The following WDFY4 variants were observed in gnomAD, a reference collection of about 807,000 sequenced individuals.
The protein encoded by WDFY4 is WD repeat- and FYVE domain-containing protein 4.
WDFY4 carries 169 observed loss-of-function variants against 351.9 expected under a neutral mutation model. The ratio of observed to expected loss-of-function variants is 0.48; its 90% CI spans 0.42 to 0.55. The LOEUF is 0.55. Among genes scored for constraint, WDFY4 ranks in the 20% least tolerant of loss-of-function variants. The pLI is 0.00. For synonymous variants in WDFY4, 1,622 were observed against 1,574.6 expected, an observed-to-expected ratio of 1.03 and a Z score of -0.71; for missense variants, 3,803 against 3,935.6, an observed-to-expected ratio of 0.97 and a Z score of 0.90.
Position 48,798,906 on chromosome 10 carries a change from T to C in WDFY4, c.4410+2456T>C, listed in dbSNP as rs531915435. Among the ~76,000 whole-genome samples, 163 of 152,184 alleles carry C rather than the reference T, an allele frequency of 1.1e-3. 1 individual carries two copies. The South Asian group carries it at 0.015, about 14-fold the overall frequency. ...CTGGATCTGAAGCTGGAAAAGAGGATTGTGGAGGAAGCCAGCATGGCCTGG... is the reference window on the plus strand; with the variant it reads ...CTGGATCTGAAGCTGGAAAAGAGGACTGTGGAGGAAGCCAGCATGGCCTGG... On this transcript the variant is annotated intron_variant, in intron 24 of 61. Transcript: ENST00000325239.
At chr10:48,959,685 A>T (rs1841770295) in intron 52 of WDFY4, 37 bp from the exon 53 acceptor site, 1 of 1,531,950 alleles carries the variant, frequency 6.5e-7, no homozygotes, top group Non-Finnish European at 8.9e-7. Flanking sequence ...GCCTGATTTG[A>T]GTTACCCAAA....
intron 47 of WDFY4, chr10:48,914,102 G>A (rs1394556607): frequency 1.2e-6 from 2 of 1,614,100 alleles, no homozygotes. Flanking sequence ...TGCAATTCCT[G>A]GCCACCTTGA....
chr10:48,881,991 GGAGA>G (rs2070269709), intron 43 of WDFY4, among the ~76,000 whole-genome samples: 1 of 152,226 alleles, frequency 6.6e-6, no homozygotes, highest in Non-Finnish European at 1.5e-5. Context: ...CTGAAGGCAA[GGAGA>G]GACTTAGCTT....
intron 31 of WDFY4, 107 bp from the exon 32 acceptor site, chr10:48,817,138 G>A: frequency 1.5e-6 from 2 of 1,301,298 alleles, no homozygotes; most frequent in Non-Finnish European, 2.1e-6. Flanking sequence ...AATGTATCTT[G>A]TTGAAAGTCT....
Position 48,803,366 on chromosome 10 carries a change from T to TG in WDFY4, c.4484+10dup. On this transcript the variant is annotated splice_region_variant and intron_variant, in intron 25 of 61. Transcript: ENST00000325239. ...AAATCCTTCAATCACCAAGGTAGGCTGGGTCTTGGCAGCCTGGGGGTTAGA... is the reference window on the plus strand; with the variant it reads ...AAATCCTTCAATCACCAAGGTAGGCTGGGGTCTTGGCAGCCTGGGGGTTAGA... The TG allele has an allele frequency of 6.4e-7, 1 of 1,551,882 alleles. No homozygotes were observed. Among genetic ancestry groups the TG allele is most frequent in the Admixed American group, 2.0e-5 (1 of 51,004 alleles).
intron 47 of WDFY4, among the ~76,000 whole-genome samples, chr10:48,936,922 A>C (rs1395609959): frequency 2.2e-5 from 3 of 136,236 alleles, no homozygotes; most frequent in African/African-American, 4.9e-5. Flanking sequence ...TATAAACTTC[A>C]GGTTTTGTTT....
At chr10:48,969,619 T>C (rs563749378) in intron 56 of WDFY4, among the ~76,000 whole-genome samples, 1 of 152,300 alleles carries the variant, frequency 6.6e-6, no homozygotes, top group South Asian at 2.1e-4. Context: ...ATTTGGGGGC[T>C]GGCAGGAGCA....
intron 52 of WDFY4, 25 bp downstream of exon 52, chr10:48,957,307 G>A: frequency 6.5e-7 from 1 of 1,544,392 alleles, no homozygotes; most frequent in African/African-American, 1.4e-5. Flanking sequence ...GGTGAGGCCG[G>A]GTGAGTGGCG....
chr10:48,905,224 T>G (rs919947383), intron 47 of WDFY4, among the ~76,000 whole-genome samples: 1 of 152,150 alleles, frequency 6.6e-6, no homozygotes, highest in Non-Finnish European at 1.5e-5. Flanking sequence ...TTCCTCCACA[T>G]ACCTTCTACT....
chr10:48,807,877 G>A lies in WDFY4; in HGVS notation c.4757G>A (p.Gly1586Glu). The A allele has an allele frequency of 6.4e-7, 1 of 1,551,616 alleles. No individual in the cohort carries two copies. Among genetic ancestry groups the A allele is most frequent in the Non-Finnish European group, 8.7e-7 (1 of 1,146,968 alleles). The change falls in exon 28 of 62, where the codon GGA becomes GAA. Residue 1586 changes from glycine (G) to glutamate (E), a missense_variant. Transcript: ENST00000325239. The part of the protein sequence containing the change: ...PSLPAGSQTS[G>E]KTIWLRNQLL... ...TTTGTAGCTGGAAGCCAAACATCTG[G>A]AAAGACAATCTGGCTCAGAAACCAG...
intron 39 of WDFY4, among the ~76,000 whole-genome samples, chr10:48,852,879 G>A (rs1398445462): frequency 6.6e-6 from 1 of 152,082 alleles, no homozygotes. Context: ...CCACTGCCAA[G>A]CTCCCCTCAG....
In WDFY4 at chr10:48,756,356, C is replaced by T. The variant is rs114309601; in HGVS notation, c.2460-3991C>T. On this transcript the variant is annotated intron_variant, in intron 12 of 61. Coordinates refer to ENST00000325239, the MANE Select transcript of WDFY4 (RefSeq NM_001394531.1). Reference sequence around the variant, plus strand: ...AGGAATATGGTTAACTTTTGTATGTCGACTATTATTCTGAGACTGCTAAAT... The same window carrying T: ...AGGAATATGGTTAACTTTTGTATGTTGACTATTATTCTGAGACTGCTAAAT... Among the ~76,000 whole-genome samples the T allele has an allele frequency of 7.6e-3, 1,155 of 151,674 alleles. 16 individuals carry two copies. Among genetic ancestry groups the T allele is most frequent in the African/African-American group, 0.026 (1,091 of 41,404 alleles).
At chr10:48,748,646 T>C (rs1260192411) in intron 12 of WDFY4, among the ~76,000 whole-genome samples, 1 of 152,234 alleles carries the variant, frequency 6.6e-6, no homozygotes, top group African/African-American at 2.4e-5. Context: ...TAATGAGTAA[T>C]TTTTACATTT....
intron 24 of WDFY4, among the ~76,000 whole-genome samples, chr10:48,800,130 C>T (rs1200149244): frequency 6.6e-6 from 1 of 152,196 alleles, no homozygotes; most frequent in Non-Finnish European, 1.5e-5. Context: ...ATGATCCGCC[C>T]ACCTTGGCCT....
At chr10:48,860,022 A>G (rs1300106883) in intron 39 of WDFY4, among the ~76,000 whole-genome samples, 4 of 152,236 alleles carry the variant, frequency 2.6e-5, no homozygotes, top group Non-Finnish European at 1.5e-5. Flanking sequence ...TATGCCTGCC[A>G]GGTCAGTAGA....
chr10:48,936,338 T>G (rs1840358451), intron 47 of WDFY4, among the ~76,000 whole-genome samples: 1 of 152,082 alleles, frequency 6.6e-6, no homozygotes, highest in Non-Finnish European at 1.5e-5. Context: ...AATTTCTGAA[T>G]GAAGATGACT....
intron 53 of WDFY4, among the ~76,000 whole-genome samples, chr10:48,962,160 A>G (rs971652934): frequency 1.3e-5 from 2 of 152,180 alleles, no homozygotes; most frequent in African/African-American, 4.8e-5. Context: ...TGTGGCAACC[A>G]CCAACAAATG....
intron 20 of WDFY4, among the ~76,000 whole-genome samples, chr10:48,787,892 T>C (rs1016387322): frequency 6.9e-5 from 5 of 72,324 alleles, no homozygotes; most frequent in African/African-American, 3.8e-4. Context: ...CTTCTTCTTC[T>C]CCTTCTTCTT....
intron 59 of WDFY4, among the ~76,000 whole-genome samples, chr10:48,977,992 G>A (rs930047143): frequency 2.0e-5 from 3 of 152,180 alleles, no homozygotes; most frequent in African/African-American, 7.2e-5. Flanking sequence ...GGCATTGGTT[G>A]AGCAAAATGG....
Sources: gnomAD v4.1 joint callset for allele counts (sites outside exome capture counted in the v4.1 genomes callset) on GRCh38, gnomAD v4.1.1 for gene constraint, MANE v1.5 for transcripts, NCBI Gene and HGNC (gene_info 2026-07-23, HGNC 2026-07-21) for gene names.